The following LZTR1 variants were observed in gnomAD, a reference collection of about 807,000 sequenced individuals.
LZTR1 encodes the protein leucine zipper like post translational regulator 1.
LZTR1 carries 260 observed loss-of-function variants against 105.7 expected under a neutral mutation model. The ratio of observed to expected loss-of-function variants is 2.46; its 90% CI spans 2.22 to 2.72. The LOEUF is 2.72. Ranked by LOEUF, LZTR1 falls within the 30% of genes most tolerant of loss-of-function variation. LZTR1 has a pLI of 0.00. For missense variants in LZTR1, 1,214 were observed against 1,166.9 expected (o/e 1.04, Z -0.59); for synonymous variants, 490 against 476.4 (o/e 1.03, Z -0.37).
In LZTR1 at chr22:20,994,986, G is replaced by A. The variant is rs1370751180; in HGVS notation, c.1902G>A (p.Gln634=). ...LIVEIVRRKQ[Q]PPPRTPLDQP... is the part of the protein sequence containing the mutation. Reference sequence around the variant, plus strand: ...TGGAGATTGTGCGGCGGAAGCAGCAGCCGCCCCCTCGCACTCCCTTGGACC... The same window carrying A: ...TGGAGATTGTGCGGCGGAAGCAGCAACCGCCCCCTCGCACTCCCTTGGACC... Residue 634 remains glutamine, a synonymous_variant, in exon 16 of 21, where the codon CAG becomes CAA. Coordinates refer to ENST00000646124, the MANE Select transcript of LZTR1 (RefSeq NM_006767.4). The A allele has an allele frequency of 6.2e-7, 1 of 1,613,014 alleles. No individual in the cohort carries two copies. Among genetic ancestry groups the A allele is most frequent in the Non-Finnish European group, 8.5e-7 (1 of 1,179,982 alleles).
chr22:20,992,489 A>C (rs2147965707), intron 10 of LZTR1, 120 bp downstream of exon 10: 3 of 1,187,168 alleles, frequency 2.5e-6, no homozygotes, highest in Non-Finnish European at 2.3e-6. Context: ...TCACACCACA[A>C]AGGGGGTACA....
chr22:20,989,654 A>C lies in LZTR1; in HGVS notation c.623A>C (p.Gln208Pro), dbSNP rs772573741. 6.2e-7 allele frequency: 1 copy of C among 1,613,378 alleles called. No homozygotes were observed. The highest frequency in any genetic ancestry group is 8.5e-7 in the Non-Finnish European group (1 of 1,179,916). Residue 208 changes from glutamine to proline, a missense_variant, in exon 7 of 21, where the codon CAG (glutamine) becomes CCG (proline). Physicochemically the swap from Gln to Pro is moderately conservative, Grantham distance 76. Transcript: ENST00000646124. ...RLNDMWTIGL[Q>P]DRELTCWEEV... ...AATGACATGTGGACAATTGGCCTCC[A>C]GGACCGAGAGCTCACCTGCTGGGAG...
intron 3 of LZTR1, chr22:20,987,202 TGGC>T (rs1409598105): frequency 3.7e-6 from 1 of 267,816 alleles, no homozygotes; most frequent in Non-Finnish European, 7.1e-6. Context: ...AAGACCAGCC[TGGC>T]CAACATGGTG....
chr22:20,990,902 G>C (rs1924585384), intron 8 of LZTR1: 1 of 200,070 alleles, frequency 5.0e-6, no homozygotes, highest in African/African-American at 2.4e-5. Context: ...TGCTGCCCCT[G>C]GCTGCTGGCC....
Position 20,998,951 on chromosome 22 carries a change from C to G in LZTR1, c.*1603C>G, listed in dbSNP as rs1222455868. 1 of 152,270 alleles carries G rather than the reference C, an allele frequency of 6.6e-6. No individual in the cohort carries two copies. Among genetic ancestry groups the G allele is most frequent in the Non-Finnish European group, 1.5e-5 (1 of 68,058 alleles). The allele number at this position is 152,270 out of a possible 1,614,324, so 9.4% of individuals were successfully genotyped here. On this transcript the variant is annotated 3_prime_UTR_variant, in exon 21 of 21. Transcript: ENST00000646124. Reference sequence around the variant, plus strand: ...CCTTGAACCAGTCTGCAACCCTGCTCTATGCTGACCCTTGTCACTGAACCC... The same window carrying G: ...CCTTGAACCAGTCTGCAACCCTGCTGTATGCTGACCCTTGTCACTGAACCC...
At position 20,982,885 on chromosome 22, in the gene LZTR1, T is replaced by A. The variant is rs75176577; in HGVS notation, c.201-142T>A. On this transcript the variant is annotated intron_variant, in intron 1 of 20. Transcript: ENST00000646124. Reference sequence around the variant, plus strand: ...CAGGGGTCCTCACTTGCAGGATGATTGGTGTTATCTTAGAAGATGATGGAT... The same window carrying A: ...CAGGGGTCCTCACTTGCAGGATGATAGGTGTTATCTTAGAAGATGATGGAT... The A allele has an allele frequency of 0.037, 26,118 of 698,868 alleles. 740 individuals carry two copies. Among genetic ancestry groups the A allele is most frequent in the Non-Finnish European group, 0.046 (18,213 of 394,518 alleles). The allele number at this position is 698,868 out of a possible 1,614,324, so 43.3% of individuals were successfully genotyped here. A position where few individuals can be genotyped will look rare whatever the true frequency, so the allele number is the denominator to read the frequency against.
At position 20,985,899 on chromosome 22, in the gene LZTR1, T is replaced by G. The variant is rs1924364964; in HGVS notation, c.320+2T>G. The G allele has an allele frequency of 6.2e-7, 1 of 1,613,958 alleles. No individual in the cohort carries two copies. The highest frequency in any genetic ancestry group is 1.3e-5 in the African/African-American group (1 of 74,938). Reference sequence around the variant, plus strand: ...TGTGAAAGACTGCTCCTGGTGCAGGTGGGTGGCCCCGTGCTCCAGGGCCCT... The same window carrying G: ...TGTGAAAGACTGCTCCTGGTGCAGGGGGGTGGCCCCGTGCTCCAGGGCCCT... On this transcript the variant is annotated splice_donor_variant, in intron 3 of 20. Coordinates refer to ENST00000646124, the MANE Select transcript of LZTR1 (RefSeq NM_006767.4). LOFTEE classifies it high-confidence loss of function.
rs199907744 is a variant in LZTR1, at chr22:20,995,698, A to G, written c.1943-48A>G. On this transcript the variant is annotated intron_variant, in intron 16 of 20. Coordinates refer to ENST00000646124, the MANE Select transcript of LZTR1 (RefSeq NM_006767.4). ...AGGAAGGTAGTGCCGTGGGGCCCCA[A>G]GGCCAGAATCCCAGGCTGTACCTGC... is the stretch of plus-strand genomic sequence containing the variant. 1.6e-5 allele frequency: 25 copies of G among 1,608,846 alleles called. No individual in the cohort carries two copies. In the African/African-American group the frequency reaches 3.1e-4, roughly 20 times the overall value.
chr22:20,988,017 C>G lies in LZTR1; in HGVS notation c.408C>G (p.Tyr136Ter). 6.3e-7 allele frequency: 1 copy of G among 1,597,066 alleles called. No homozygotes were observed. Among genetic ancestry groups the G allele is most frequent in the Non-Finnish European group, 8.6e-7 (1 of 1,164,636 alleles). Residue 136 changes from tyrosine (Y) to a stop codon, truncating the protein, a stop_gained, in exon 5 of 21, where the codon TAC becomes TAG. Coordinates refer to ENST00000646124, the MANE Select transcript of LZTR1 (RefSeq NM_006767.4). LOFTEE classifies it high-confidence loss of function. ...YGSSMFVFGGYTGDIYSNSNL... is the reference protein window; with the variant it reads ...YGSSMFVFGG Reference sequence around the variant, plus strand: ...CTCACTCTCTTTACTCAGGGGGTTACACTGGGGACATTTATTCCAATTCTA... The same window carrying G: ...CTCACTCTCTTTACTCAGGGGGTTAGACTGGGGACATTTATTCCAATTCTA...
Position 20,994,954 on chromosome 22 carries a change from C to A in LZTR1, c.1870C>A (p.Leu624Met). 1 of 1,613,340 alleles carries A rather than the reference C, an allele frequency of 6.2e-7. No individual in the cohort carries two copies. The highest frequency in any genetic ancestry group is 8.5e-7 in the Non-Finnish European group (1 of 1,180,008). Residue 624 changes from leucine to methionine, a missense_variant, in exon 16 of 21, where the codon CTG (leucine) becomes ATG (methionine). Leu to Met is a conservative substitution (Grantham distance 15). Transcript: ENST00000646124. ...MKEFERLSSPLIVEIVRRKQQ... is the reference protein window; with the variant it reads ...MKEFERLSSPMIVEIVRRKQQ... ...GGAGTTCGAGCGCCTCTCCTCTCCA[C>A]TGATAGTGGAGATTGTGCGGCGGAA...
chr22:20,987,304 C>G (rs1398700913), intron 3 of LZTR1, 200 bp from the exon 4 acceptor site: 71 of 538,618 alleles, frequency 1.3e-4, no homozygotes, highest in Middle Eastern at 4.3e-4. Flanking sequence ...TGAGGCAGGA[C>G]AATCGCTTGA....
chr22:20,991,717 G>A lies in LZTR1; in HGVS notation c.881G>A (p.Arg294His), dbSNP rs1924613014. ...RYGHTMVAFD[R>H]HLYVFGGAAD... is the part of the protein sequence containing the mutation. Reference sequence around the variant, plus strand: ...GGGCATACCATGGTGGCCTTTGACCGCCACCTCTATGTGTTTGGGGGTGCG... The same window carrying A: ...GGGCATACCATGGTGGCCTTTGACCACCACCTCTATGTGTTTGGGGGTGCG... The change falls in exon 9 of 21, where the codon CGC (arginine) becomes CAC (histidine). Residue 294 changes from arginine to histidine, a missense_variant. Physicochemically the swap from Arg to His is conservative, Grantham distance 29 (BLOSUM62 0). Transcript: ENST00000646124. 3 of 1,588,362 alleles carry A rather than the reference G, an allele frequency of 1.9e-6. No individual in the cohort carries two copies. Among genetic ancestry groups the A allele is most frequent in the Non-Finnish European group, 1.7e-6 (2 of 1,167,950 alleles).
At chr22:20,989,375 GGCACT>G (rs1191155185) in intron 6 of LZTR1, among the ~76,000 whole-genome samples, 1 of 152,238 alleles carries the variant, frequency 6.6e-6, no homozygotes, top group Non-Finnish European at 1.5e-5. Flanking sequence ...GTGAGGAGCT[GGCACT>G]GCCACACTGC....
chr22:20,994,570 A>C lies in LZTR1; in HGVS notation c.1628A>C (p.Asp543Ala). Residue 543 changes from aspartate (D) to alanine (A), a missense_variant, in exon 15 of 21, where the codon GAT (aspartate) becomes GCT (alanine). Transcript: ENST00000646124. ...IKYPRKGHVE[D>A]VLLIMDVYKL... Reference sequence around the variant, plus strand: ...CTCTGGGGCGCAGGCCATGTGGAGGATGTGCTGCTCATCATGGATGTGTAC... The same window carrying C: ...CTCTGGGGCGCAGGCCATGTGGAGGCTGTGCTGCTCATCATGGATGTGTAC... 4 of 1,610,530 alleles carry C rather than the reference A, an allele frequency of 2.5e-6. No homozygotes were observed. Among genetic ancestry groups the C allele is most frequent in the South Asian group, 1.1e-5 (1 of 91,080 alleles).
intron 6 of LZTR1, 64 bp from the exon 7 acceptor site, chr22:20,989,561 G>A (rs1601718165): frequency 1.5e-6 from 2 of 1,350,938 alleles, no homozygotes; most frequent in East Asian, 2.3e-5. Context: ...ATCCCTTCCA[G>A]CCAGGACTAG....
intron 6 of LZTR1, among the ~76,000 whole-genome samples, chr22:20,989,409 A>G (rs1326716883): frequency 6.6e-6 from 1 of 152,156 alleles, no homozygotes; most frequent in Non-Finnish European, 1.5e-5. Flanking sequence ...CATGCATGAG[A>G]GTACTTGTTC....
intron 1 of LZTR1, among the ~76,000 whole-genome samples, 165 bp from the exon 2 acceptor site, chr22:20,982,862 G>C (rs980910042): frequency 6.6e-6 from 1 of 152,200 alleles, no homozygotes; most frequent in Non-Finnish European, 1.5e-5. Context: ...AGCCGTGTCA[G>C]GGGTCCTCAC....
rs763950976 is a variant in LZTR1 at position 20,994,171 on chromosome 22, C to T, written c.1517C>T (p.Pro506Leu). Residue 506 changes from proline (P) to leucine (L), a missense_variant, in exon 14 of 21, where the codon CCG becomes CTG. Pro to Leu is a moderately conservative substitution (Grantham distance 98). Coordinates refer to ENST00000646124, the MANE Select transcript of LZTR1 (RefSeq NM_006767.4). ...APGVAAGGAR[P>L]PLLHVAIREA... ...GGCGTGGCTGCTGGTGGGGCCCGGC[C>T]GCCCCTGCTGCACGTGGCCATCCGG... The T allele has an allele frequency of 3.0e-5, 48 of 1,598,592 alleles. No homozygotes were observed. In the Admixed American group the frequency reaches 5.1e-4, roughly 17 times the overall value.
chr22:20,982,322 G>T lies in LZTR1; in HGVS notation c.-50G>T, dbSNP rs1048981530. The T allele has an allele frequency of 7.8e-6, 11 of 1,418,302 alleles. No homozygotes were observed. Among genetic ancestry groups the T allele is most frequent in the Non-Finnish European group, 1.0e-5 (11 of 1,050,324 alleles). The allele number at this position is 1,418,302 out of a possible 1,614,324, so 87.9% of individuals were successfully genotyped here. A position where few individuals can be genotyped will look rare whatever the true frequency, so the allele number is the denominator to read the frequency against. ...GTGGTTTCTCCAGCCGGCCCGGGGC[G>T]GTGGCCGCAAGTTGGGCTTACAGCG... is the stretch of plus-strand genomic sequence containing the variant. On this transcript the variant is annotated 5_prime_UTR_variant, in exon 1 of 21. Coordinates refer to ENST00000646124, the MANE Select transcript of LZTR1 (RefSeq NM_006767.4).
Sources: gnomAD v4.1 joint callset for allele counts (sites outside exome capture counted in the v4.1 genomes callset) on GRCh38, gnomAD v4.1.1 for gene constraint, MANE v1.5 for transcripts, NCBI Gene and HGNC (gene_info 2026-07-23, HGNC 2026-07-21) for gene names.